BCL9: variants seen among roughly 807,000 people sequenced by gnomAD.
BCL9 encodes the protein BCL9 transcription coactivator.
In BCL9, 25 loss-of-function variants were observed where a neutral mutation model predicts 88.5. The ratio of observed to expected loss-of-function variants is 0.28; its 90% CI spans 0.21 to 0.39. The LOEUF is 0.39. Among genes scored for constraint, BCL9 ranks in the 10% least tolerant of loss-of-function variants. The probability of loss-of-function intolerance (pLI) is 1.00; values close to 1 mark genes in which losing one functional copy is unlikely to be tolerated. For missense variants in BCL9, 1,817 were observed against 1,877.8 expected (o/e 0.97, Z 0.60); for synonymous variants, 711 against 673.3 (o/e 1.06, Z -0.87).
Position 147,620,653 on chromosome 1 carries a change from C to A in BCL9, c.2498C>A (p.Thr833Lys). The change falls in exon 8 of 10, where the codon ACA becomes AAA. Residue 833 changes from threonine to lysine, a missense_variant. Around this residue, in one of 2 missense-constraint regions of BCL9, gnomAD observed 1,228 missense variants for 1,191.6 expected, o/e 1.03. Coordinates refer to ENST00000234739, the MANE Select transcript of BCL9 (RefSeq NM_004326.4). ...TCCAGTAACCCCACCAGCCTCAACACAGCTCCTCCAGTTCAGCGCGGCCTG... is the reference window on the plus strand; with the variant it reads ...TCCAGTAACCCCACCAGCCTCAACAAAGCTCCTCCAGTTCAGCGCGGCCTG... ...NPSSNPTSLN[T>K]APPVQRGLGR... 1 of 1,614,218 alleles carries A rather than the reference C, an allele frequency of 6.2e-7. No homozygotes were observed. The highest frequency in any genetic ancestry group is 8.5e-7 in the Non-Finnish European group (1 of 1,180,032).
At chr1:147,587,236 C>A (rs587765112) in intron 1 of BCL9, among the ~76,000 whole-genome samples, 2 of 150,662 alleles carry the variant, frequency 1.3e-5, no homozygotes, top group South Asian at 4.2e-4. Flanking sequence ...CCCGAGAGAA[C>A]CCAACGACAG....
rs936139917 is a variant in BCL9 at position 147,619,637 on chromosome 1, G to A, written c.1482G>A (p.Gln494=). The change falls in exon 8 of 10, where the codon CAG becomes CAA. Residue 494 remains glutamine (Q), a synonymous_variant. Transcript: ENST00000234739. The surrounding 1 kb of genome is among the most constrained non-coding windows in gnomAD (Gnocchi z 4.1). Reference sequence around the variant, plus strand: ...AGCAGGAACAAGTGGTTGTCCAGCAGTGTTCCCTCCAGGACATGATGGTCC... The same window carrying A: ...AGCAGGAACAAGTGGTTGTCCAGCAATGTTCCCTCCAGGACATGATGGTCC... ...RRKQEQVVVQ[Q]CSLQDMMVHQ... is the part of the protein sequence containing the mutation. 2 of 1,614,156 alleles carry A rather than the reference G, an allele frequency of 1.2e-6. No individual in the cohort carries two copies. The highest frequency in any genetic ancestry group is 1.7e-6 in the Non-Finnish European group (2 of 1,180,034).
Position 147,624,741 on chromosome 1 carries a change from G to A in BCL9, c.4063G>A (p.Val1355Met), listed in dbSNP as rs781895985. The change falls in exon 10 of 10, where the codon GTG becomes ATG. Residue 1355 changes from valine to methionine, a missense_variant. Transcript: ENST00000234739. The surrounding 1 kb of genome is among the most constrained non-coding windows in gnomAD (Gnocchi z 4.4). ...PTLMSNPAAA[V>M]GMIPGKDRGP... Reference sequence around the variant, plus strand: ...CCTGATGAGCAATCCAGCTGCTGCCGTGGGCATGATTCCTGGCAAGGATCG... The same window carrying A: ...CCTGATGAGCAATCCAGCTGCTGCCATGGGCATGATTCCTGGCAAGGATCG... The A allele has an allele frequency of 2.8e-5, 45 of 1,614,044 alleles. No homozygotes were observed. The highest frequency in any genetic ancestry group is 4.5e-5 in the East Asian group (2 of 44,888).
At chr1:147,580,473 C>T (rs1205433631) in intron 1 of BCL9, among the ~76,000 whole-genome samples, 1 of 152,138 alleles carries the variant, frequency 6.6e-6, no homozygotes, top group Non-Finnish European at 1.5e-5. Flanking sequence ...GAGACTGAGT[C>T]TTCCTATAGG....
At chr1:147,587,592 A>C (rs1483354502) in intron 1 of BCL9, among the ~76,000 whole-genome samples, 3 of 152,218 alleles carry the variant, frequency 2.0e-5, no homozygotes, top group African/African-American at 7.2e-5. Flanking sequence ...ATTGAGTTGT[A>C]GGATGTTGTG....
intron 1 of BCL9, among the ~76,000 whole-genome samples, chr1:147,595,213 C>T (rs1553200340): frequency 6.6e-6 from 1 of 152,212 alleles, no homozygotes; most frequent in African/African-American, 2.4e-5. Context: ...GTCTGGTTGA[C>T]CAGATGTGGA....
At chr1:147,592,743 C>G (rs1401587713) in intron 1 of BCL9, among the ~76,000 whole-genome samples, 1 of 152,116 alleles carries the variant, frequency 6.6e-6, no homozygotes, top group Non-Finnish European at 1.5e-5. Context: ...CAGAGATGAC[C>G]AAATGCAATA....
Position 147,620,714 on chromosome 1 carries a change from C to T in BCL9, c.2559C>T (p.Ser853=). 6.2e-7 allele frequency: 1 copy of T among 1,614,154 alleles called. No individual in the cohort carries two copies. ...RKPLDISVAG[S]QVHSPGINPL... ...CCTTGGATATATCTGTGGCAGGCAG[C>T]CAGGTGCATTCCCCAGGCATTAACC... The change falls in exon 8 of 10, where the codon AGC becomes AGT. Residue 853 remains serine (S), a synonymous_variant. Coordinates refer to ENST00000234739, the MANE Select transcript of BCL9 (RefSeq NM_004326.4).
intron 3 of BCL9, among the ~76,000 whole-genome samples, chr1:147,607,929 C>T (rs1657804939): frequency 6.6e-6 from 1 of 152,100 alleles, no homozygotes; most frequent in South Asian, 2.1e-4. Context: ...ATGGAGAGAA[C>T]TTGCAGCATG....
chr1:147,572,399 A>G (rs1160674443), intron 1 of BCL9, among the ~76,000 whole-genome samples: 9 of 152,220 alleles, frequency 5.9e-5, no homozygotes, highest in African/African-American at 2.2e-4. Context: ...TTCCTAAGAG[A>G]CAAGTGACCA....
chr1:147,562,791 A>C (rs1655436649), intron 1 of BCL9, among the ~76,000 whole-genome samples: 1 of 152,172 alleles, frequency 6.6e-6, no homozygotes, highest in Non-Finnish European at 1.5e-5. Context: ...GCAGGATTAG[A>C]AGTAATCTTT....
At position 147,613,046 on chromosome 1, in the gene BCL9, C is replaced by A. The variant is rs199612644; in HGVS notation, c.217C>A (p.Pro73Thr). ...PCDSKSGGHT[P>T]KALPGPGGSM... ...TGACTCCAAGAGTGGGGGCCATACC[C>A]CTAAAGCACTCCCTGGCCCAGGTGG... is the stretch of plus-strand genomic sequence containing the variant. The change falls in exon 5 of 10, where the codon CCT becomes ACT. Residue 73 changes from proline to threonine, a missense_variant. This residue lies in a region of BCL9 where 1,228 missense variants were observed against 1,191.6 expected (regional missense o/e 1.03). Transcript: ENST00000234739. 3.2e-5 allele frequency: 51 copies of A among 1,611,648 alleles called. No homozygotes were observed. Among genetic ancestry groups the A allele is most frequent in the Non-Finnish European group, 4.1e-5 (48 of 1,178,616 alleles).
chr1:147,597,658 C>G (rs1657114844), intron 1 of BCL9, among the ~76,000 whole-genome samples: 1 of 152,072 alleles, frequency 6.6e-6, no homozygotes, highest in Non-Finnish European at 1.5e-5. Context: ...ATTCAGAGGG[C>G]AAAAATTCTA....
At chr1:147,592,340 C>A (rs587774636) in intron 1 of BCL9, among the ~76,000 whole-genome samples, 3 of 152,340 alleles carry the variant, frequency 2.0e-5, no homozygotes, top group African/African-American at 7.2e-5. Flanking sequence ...TCCCAGAGGA[C>A]TTGCTGCCCT....
chr1:147,567,471 G>C lies in BCL9; in HGVS notation c.-478+25797G>C, dbSNP rs1208949698. Among the ~76,000 whole-genome samples the C allele has an allele frequency of 3.3e-5, 5 of 152,184 alleles. No homozygotes were observed. In the Middle Eastern group the frequency reaches 0.01, roughly 311 times the overall value. On this transcript the variant is annotated intron_variant, in intron 1 of 9. Transcript: ENST00000234739. Reference sequence around the variant, plus strand: ...GAGTCGACATTTCCACACATACTTGGTATATGCCTAAAGGAAATTTGGGAG... The same window carrying C: ...GAGTCGACATTTCCACACATACTTGCTATATGCCTAAAGGAAATTTGGGAG...
At chr1:147,544,231 G>A (rs1173769594) in intron 1 of BCL9, among the ~76,000 whole-genome samples, 3 of 152,096 alleles carry the variant, frequency 2.0e-5, no homozygotes, top group Non-Finnish European at 2.9e-5. Flanking sequence ...GTATTATGAC[G>A]GAGTGCATAG....
chr1:147,621,113 G>C, intron 8 of BCL9, 56 bp downstream of exon 8: 6 of 1,497,918 alleles, frequency 4.0e-6, no homozygotes, highest in Non-Finnish European at 5.4e-6. Flanking sequence ...TGCTAGACCT[G>C]ATAGTTACTT....
At chr1:147,599,514 G>A (rs1270931521) in intron 1 of BCL9, among the ~76,000 whole-genome samples, 12 of 149,112 alleles carry the variant, frequency 8.0e-5, no homozygotes, top group African/African-American at 3.1e-4. Context: ...GTTGCTCCCA[G>A]GACTGCGCGA....
chr1:147,576,301 T>C (rs1445467184), intron 1 of BCL9, among the ~76,000 whole-genome samples: 2 of 152,148 alleles, frequency 1.3e-5, no homozygotes, highest in Admixed American at 6.5e-5. Context: ...CTTTCTCTCA[T>C]CTCCCGGCCA....
Sources: gnomAD v4.1 joint callset for allele counts (sites outside exome capture counted in the v4.1 genomes callset) on GRCh38, gnomAD v4.1.1 for gene constraint, gnomAD v4.1.1 regional missense constraint, Gnocchi (gnomAD v3.1) non-coding constraint, MANE v1.5 for transcripts, NCBI Gene and HGNC (gene_info 2026-07-23, HGNC 2026-07-21) for gene names.